The following DOCK3 variants were observed in gnomAD, a reference collection of about 807,000 sequenced individuals.
DOCK3 encodes the protein dedicator of cytokinesis protein 3.
Under a neutral mutation model 265.6 loss-of-function variants are expected in DOCK3, and 60 were observed. The ratio of observed to expected loss-of-function variants is 0.23; its 90% confidence interval spans 0.18 to 0.28. The LOEUF (loss-of-function observed/expected upper bound fraction) is 0.28, where lower values mean the gene tolerates loss of function less well. Among genes scored for constraint, DOCK3 ranks in the 10% least tolerant of loss-of-function variants. The pLI, the probability that DOCK3 is intolerant of heterozygous loss-of-function variation, is 1.00. For synonymous variants in DOCK3, 881 were observed against 938.0 expected (o/e 0.94, Z 1.11); for missense variants, 1,981 against 2,594.3 (o/e 0.76, Z 5.14).
intron 27 of DOCK3, among the ~76,000 whole-genome samples, chr3:51,293,978 ACT>A (rs1388555532): frequency 1.3e-5 from 2 of 152,154 alleles, no homozygotes; most frequent in Non-Finnish European, 2.9e-5. Context: ...AGAAAAGGGA[ACT>A]CTTGTACACT....
intron 6 of DOCK3, among the ~76,000 whole-genome samples, chr3:51,072,265 G>A (rs1394869916): frequency 6.6e-6 from 1 of 152,192 alleles, no homozygotes; most frequent in Non-Finnish European, 1.5e-5. Flanking sequence ...TTGCCATGAT[G>A]CTAACTAAGA....
At chr3:51,292,997 TATCTC>T (rs753355755) in intron 27 of DOCK3, among the ~76,000 whole-genome samples, 2 of 152,208 alleles carry the variant, frequency 1.3e-5, no homozygotes, top group African/African-American at 2.4e-5. Flanking sequence ...AATGGACAGA[TATCTC>T]ATGTTTATGG....
chr3:50,986,598 C>T (rs987335394), intron 5 of DOCK3, among the ~76,000 whole-genome samples: 4 of 152,166 alleles, frequency 2.6e-5, no homozygotes, highest in African/African-American at 9.7e-5. Context: ...GTTTGCATTG[C>T]TTTTCCAAAT....
At chr3:50,715,808 A>G (rs1193926965) in intron 1 of DOCK3, among the ~76,000 whole-genome samples, 2 of 152,066 alleles carry the variant, frequency 1.3e-5, no homozygotes, top group Admixed American at 1.3e-4. Flanking sequence ...CTTAAAGGTA[A>G]TTGTCTTCTG....
chr3:51,218,020 A>G (rs1232290299), intron 14 of DOCK3, among the ~76,000 whole-genome samples: 1 of 152,130 alleles, frequency 6.6e-6, no homozygotes, highest in Non-Finnish European at 1.5e-5. Flanking sequence ...CAGGAGTCTG[A>G]GGCAGGAGAA....
chr3:50,726,324 G>A (rs1406622525), intron 1 of DOCK3, among the ~76,000 whole-genome samples: 1 of 152,156 alleles, frequency 6.6e-6, no homozygotes, highest in African/African-American at 2.4e-5. Context: ...AAGCAGCAGA[G>A]AGACTGAAAA....
chr3:50,792,145 T>C (rs943480064), intron 2 of DOCK3, among the ~76,000 whole-genome samples: 1 of 150,396 alleles, frequency 6.6e-6, no homozygotes, highest in Non-Finnish European at 1.5e-5. Context: ...TTGAGCAATG[T>C]TTTGTAGTTC....
At chr3:51,093,725 A>C (rs1400855282) in intron 9 of DOCK3, among the ~76,000 whole-genome samples, 1 of 152,116 alleles carries the variant, frequency 6.6e-6, no homozygotes, top group African/African-American at 2.4e-5. Flanking sequence ...GAGTGGTGAG[A>C]GGGCATCCTT....
In DOCK3 at chr3:51,129,295, G is replaced by A. The variant is rs1314592765; in HGVS notation, c.747-17254G>A. Among the ~76,000 whole-genome samples, 7 of 152,272 alleles carry A rather than the reference G, an allele frequency of 4.6e-5. No homozygotes were observed. In the East Asian group the frequency reaches 7.7e-4, roughly 17 times the overall value. ...TGTAGTGCTGCAGCTGTCCACTTTC[G>A]GGTGGTGCCTGCATATCGCGCAGAG... On this transcript the variant is annotated intron_variant, in intron 9 of 52. Transcript: ENST00000266037.
intron 5 of DOCK3, among the ~76,000 whole-genome samples, chr3:50,994,944 T>A (rs1257217150): frequency 6.6e-6 from 1 of 152,180 alleles, no homozygotes; most frequent in African/African-American, 2.4e-5. Context: ...TCTTATAATT[T>A]TATTAAACCT....
chr3:50,679,924 C>T (rs2034268383), intron 1 of DOCK3, among the ~76,000 whole-genome samples: 1 of 152,178 alleles, frequency 6.6e-6, no homozygotes, highest in Non-Finnish European at 1.5e-5. Context: ...CACTATATCA[C>T]CACCTCTCCC....
intron 7 of DOCK3, among the ~76,000 whole-genome samples, chr3:51,079,957 G>T (rs142809860): frequency 1.3e-5 from 2 of 152,186 alleles, no homozygotes; most frequent in East Asian, 3.9e-4. Flanking sequence ...ATTTGTGTTT[G>T]CCTGTTGTCT....
At chr3:50,914,702 T>C (rs2107960296) in intron 4 of DOCK3, among the ~76,000 whole-genome samples, 1 of 152,274 alleles carries the variant, frequency 6.6e-6, no homozygotes, top group Admixed American at 6.5e-5. Flanking sequence ...GTCTGTTTGG[T>C]CCATTTAATG....
rs866030400 is a variant in DOCK3, at chr3:51,360,569, G to A, written c.4943G>A (p.Gly1648Glu). ...TGTTCAGGCACCAGCACCCCACGGG[G>A]AAATGTTCTGGCATCCCATAGCCCC... is the stretch of plus-strand genomic sequence containing the variant. ...PACSGTSTPR[G>E]NVLASHSPMS... The change falls in exon 47 of 53, where the codon GGA becomes GAA. Residue 1648 changes from glycine (G) to glutamate (E), a missense_variant. Gly to Glu is a moderately conservative substitution (Grantham distance 98). Around this residue, in one of 4 missense-constraint regions of DOCK3, gnomAD observed 1,357 missense variants for 1,866.8 expected, o/e 0.73. Transcript: ENST00000266037. The A allele has an allele frequency of 2.5e-6, 4 of 1,613,450 alleles. No homozygotes were observed. The highest frequency in any genetic ancestry group is 4.5e-5 in the East Asian group (2 of 44,866).
intron 35 of DOCK3, 101 bp from the exon 36 acceptor site, chr3:51,338,258 C>A: frequency 7.6e-7 from 1 of 1,324,274 alleles, no homozygotes; most frequent in Non-Finnish European, 1.1e-6. Flanking sequence ...CCATCTCAAT[C>A]TGGGATTTGG....
At chr3:50,888,073 C>T (rs565562488) in intron 3 of DOCK3, among the ~76,000 whole-genome samples, 12 of 152,106 alleles carry the variant, frequency 7.9e-5, no homozygotes, top group South Asian at 4.2e-4. Flanking sequence ...TCAAATTGTC[C>T]CTGTTTGCAG....
Position 51,330,298 on chromosome 3 carries a change from A to G in DOCK3, c.3488+75A>G, listed in dbSNP as rs12636641. ...GGGCCAATGAAAAGTAGAGGTTGCA[A>G]CTGCACTGGCAGGCTTTAGAGGTTG... is the stretch of plus-strand genomic sequence containing the variant. On this transcript the variant is annotated intron_variant, in intron 33 of 52. Transcript: ENST00000266037. The G allele has an allele frequency of 4.2e-6, 6 of 1,434,022 alleles. No homozygotes were observed. In the African/African-American group the frequency reaches 4.2e-5, roughly 10 times the overall value. The allele number at this position is 1,434,022 out of a possible 1,614,324, so 88.8% of individuals were successfully genotyped here. A position where few individuals can be genotyped will look rare whatever the true frequency, so the allele number is the denominator to read the frequency against.
intron 24 of DOCK3, among the ~76,000 whole-genome samples, chr3:51,272,386 C>T (rs886245957): frequency 7.3e-5 from 11 of 151,326 alleles, no homozygotes; most frequent in Middle Eastern, 3.4e-3. Context: ...AAATGATTCT[C>T]CTGCCTCAGC....
At chr3:51,038,878 T>G (rs1364062422) in intron 5 of DOCK3, among the ~76,000 whole-genome samples, 1 of 152,136 alleles carries the variant, frequency 6.6e-6, no homozygotes, top group South Asian at 2.1e-4. Context: ...TCTAGTTTTT[T>G]TTTTGGATAT....
Sources: allele counts gnomAD v4.1 joint callset (sites outside exome capture counted in the v4.1 genomes callset), GRCh38; gene constraint gnomAD v4.1.1; regional missense constraint gnomAD v4.1.1; transcripts MANE v1.5; gene names NCBI Gene and HGNC (gene_info 2026-07-23, HGNC 2026-07-21).